Variants in BCKDHB observed in about 807,000 individuals in gnomAD.
BCKDHB encodes branched chain keto acid dehydrogenase E1 subunit beta.
Under a neutral mutation model 48.5 loss-of-function variants are expected in BCKDHB, and 41 were observed. That is an observed-to-expected ratio of 0.85 (90% confidence interval 0.66 to 1.10). The LOEUF is 1.10. BCKDHB is among the 50% of genes least tolerant of loss of function. BCKDHB has a pLI of 0.00. For missense variants in BCKDHB, 496 were observed against 494.2 expected, an observed-to-expected ratio of 1.00 and a Z score of -0.03; for synonymous variants, 201 against 174.8, an observed-to-expected ratio of 1.15 and a Z score of -1.18.
chr6:80,117,170 AAT>A (rs1769748313), intron 1 of BCKDHB, among the ~76,000 whole-genome samples: 2 of 152,204 alleles, frequency 1.3e-5, no homozygotes, highest in Admixed American at 1.3e-4. Context: ...AAAACCCTAA[AAT>A]TTTGAATCTG....
chr6:80,249,031 ATGAT>A (rs1776732016), intron 8 of BCKDHB, among the ~76,000 whole-genome samples: 1 of 151,840 alleles, frequency 6.6e-6, no homozygotes, highest in South Asian at 2.1e-4. Context: ...AGTTTTAAAA[ATGAT>A]TGACAACCAT....
the BCKDHB span, among the ~76,000 whole-genome samples, chr6:80,450,600 C>T: frequency 6.6e-6 from 1 of 152,150 alleles, no homozygotes; most frequent in Non-Finnish European, 1.5e-5. Context: ...TTGGGTTAAT[C>T]GGAAGCCAAT....
chr6:80,238,618 T>C (rs1023119166), intron 8 of BCKDHB, among the ~76,000 whole-genome samples: 1 of 152,108 alleles, frequency 6.6e-6, no homozygotes, highest in Non-Finnish European at 1.5e-5. Context: ...TTTTTTATTA[T>C]ACTTTAAGTT....
At chr6:80,436,345 G>T in the BCKDHB span, among the ~76,000 whole-genome samples, 1 of 151,644 alleles carries the variant, frequency 6.6e-6, no homozygotes. Flanking sequence ...TGTATTTTTA[G>T]TAGAGATGGG....
the BCKDHB span, among the ~76,000 whole-genome samples, chr6:80,357,086 A>C: frequency 6.6e-6 from 1 of 152,066 alleles, no homozygotes; most frequent in African/African-American, 2.4e-5. Context: ...TTAGGGTCAT[A>C]GCAGAAAAAA....
intron 9 of BCKDHB, among the ~76,000 whole-genome samples, chr6:80,293,000 G>C (rs1392704512): frequency 6.6e-6 from 1 of 152,222 alleles, no homozygotes; most frequent in Non-Finnish European, 1.5e-5. Flanking sequence ...AGCTGCCCCT[G>C]TGGCTTTGCA....
the BCKDHB span, among the ~76,000 whole-genome samples, chr6:80,392,208 G>A: frequency 3.7e-4 from 57 of 152,166 alleles, 3 homozygotes; most frequent in South Asian, 0.011. Context: ...TGTCCAGGCT[G>A]GTCTCTAACT....
rs375056147 is a variant in BCKDHB, at chr6:80,127,610, A to G, written c.260A>G (p.Lys87Arg). The G allele has an allele frequency of 4.8e-5, 78 of 1,613,016 alleles. No individual in the cohort carries two copies. Among genetic ancestry groups the G allele is most frequent in the Non-Finnish European group, 6.4e-5 (76 of 1,179,220 alleles). Residue 87 changes from lysine (K) to arginine (R), a missense_variant, in exon 2 of 10, where the codon AAA (lysine) becomes AGA (arginine). Coordinates refer to ENST00000320393, the MANE Select transcript of BCKDHB (RefSeq NM_183050.4). The part of the protein sequence containing the change: ...VTSALDNSLA[K>R]DPTAVIFGED... ...AGTGCCTTGGATAACTCATTGGCCAAAGATCCTACTGCAGGTAACCCTGAT... is the reference window on the plus strand; with the variant it reads ...AGTGCCTTGGATAACTCATTGGCCAGAGATCCTACTGCAGGTAACCCTGAT...
intron 9 of BCKDHB, among the ~76,000 whole-genome samples, chr6:80,289,130 T>C (rs1184704): frequency 0.8 from 121,448 of 152,150 alleles, 48,653 homozygotes; most frequent in Admixed American, 0.87. Context: ...TATATTTCCT[T>C]GCTTTTTGTG....
chr6:80,273,679 A>C (rs1777848917), intron 9 of BCKDHB, among the ~76,000 whole-genome samples: 1 of 152,076 alleles, frequency 6.6e-6, no homozygotes, highest in Non-Finnish European at 1.5e-5. Flanking sequence ...CAATAATTTA[A>C]ATTTAATAAG....
At chr6:80,184,013 C>T (rs1773529221) in intron 6 of BCKDHB, among the ~76,000 whole-genome samples, 1 of 152,012 alleles carries the variant, frequency 6.6e-6, no homozygotes, top group Non-Finnish European at 1.5e-5. Flanking sequence ...TTGGTTGCTT[C>T]TAAGTTTTGA....
At position 80,295,419 on chromosome 6, in the gene BCKDHB, G is replaced by C. The variant is rs183758054; in HGVS notation, c.1038+22198G>C. On this transcript the variant is annotated intron_variant, in intron 9 of 9. Coordinates refer to ENST00000320393, the MANE Select transcript of BCKDHB (RefSeq NM_183050.4). ...CAGGGGATCTCCCCTTTATAAAACCGTCAGATCTCATGATACTTACTCACT... is the reference window on the plus strand; with the variant it reads ...CAGGGGATCTCCCCTTTATAAAACCCTCAGATCTCATGATACTTACTCACT... Among the ~76,000 whole-genome samples the C allele has an allele frequency of 4.4e-3, 673 of 151,946 alleles. 1 individual carries two copies. The highest frequency in any genetic ancestry group is 7.3e-3 in the Admixed American group (112 of 15,250).
At chr6:80,448,262 G>A in the BCKDHB span, among the ~76,000 whole-genome samples, 1 of 152,186 alleles carries the variant, frequency 6.6e-6, no homozygotes, top group Non-Finnish European at 1.5e-5. Flanking sequence ...GAAAAGTGGT[G>A]GAAGATGAAG....
chr6:80,361,817 T>TC, the BCKDHB span, among the ~76,000 whole-genome samples: 1 of 152,166 alleles, frequency 6.6e-6, no homozygotes, highest in Non-Finnish European at 1.5e-5. Context: ...CTCTAAGTGC[T>TC]GTTTTGCACA....
At chr6:80,381,383 A>G in the BCKDHB span, among the ~76,000 whole-genome samples, 1 of 152,070 alleles carries the variant, frequency 6.6e-6, no homozygotes, top group African/African-American at 2.4e-5. Context: ...GAGATTAAAT[A>G]TATTTTGCCT....
chr6:80,199,337 GGAGCCTTCCAGA>G (rs1774275065), intron 6 of BCKDHB, among the ~76,000 whole-genome samples: 1 of 152,064 alleles, frequency 6.6e-6, no homozygotes, highest in Non-Finnish European at 1.5e-5. Flanking sequence ...GGGCTAACTG[GGAGCCTTCCAGA>G]GGGAGGCTTT....
chr6:80,131,749 T>C (rs1185725239), intron 3 of BCKDHB, among the ~76,000 whole-genome samples: 1 of 152,104 alleles, frequency 6.6e-6, no homozygotes, highest in Non-Finnish European at 1.5e-5. Context: ...TTCAAGTGAT[T>C]CTCCTGCCTC....
intron 9 of BCKDHB, among the ~76,000 whole-genome samples, chr6:80,333,962 C>G (rs1261911761): frequency 6.6e-6 from 1 of 152,034 alleles, no homozygotes; most frequent in Non-Finnish European, 1.5e-5. Context: ...GTAATATGTA[C>G]TTTGTGAAAA....
downstream of BCKDHB, among the ~76,000 whole-genome samples, chr6:80,348,572 A>C (rs1770306632): frequency 6.6e-6 from 1 of 152,244 alleles, no homozygotes; most frequent in Non-Finnish European, 1.5e-5. Flanking sequence ...GAGGATACCC[A>C]TGCAGAAACA....
Sources: allele counts gnomAD v4.1 joint callset (sites outside exome capture counted in the v4.1 genomes callset), GRCh38; gene constraint gnomAD v4.1.1; transcripts MANE v1.5; gene names NCBI Gene and HGNC (gene_info 2026-07-23, HGNC 2026-07-21).